The following MVK variants were observed in gnomAD, a reference collection of about 807,000 sequenced individuals.
MVK encodes mevalonate kinase, also known as LH receptor mRNA-binding protein.
MVK carries 34 observed loss-of-function variants against 43.2 expected under a neutral mutation model. The observed-to-expected ratio is 0.79, with a 90% confidence interval of 0.60 to 1.05. The LOEUF (loss-of-function observed/expected upper bound fraction) is 1.05. Among genes scored for constraint, MVK ranks in the 50% least tolerant of loss-of-function variants. The pLI, the probability that MVK is intolerant of heterozygous loss-of-function variation, is 0.00. For missense variants in MVK, 395 were observed against 504.0 expected, an observed-to-expected ratio of 0.78 and a Z score of 2.07; for synonymous variants, 190 against 219.8, an observed-to-expected ratio of 0.86 and a Z score of 1.20.
Position 109,597,533 on chromosome 12 carries a change from C to G in MVK, c.*956C>G, listed in dbSNP as rs1885972867. On this transcript the variant is annotated 3_prime_UTR_variant, in exon 11 of 11. Transcript: ENST00000228510. ...TCACAAGCACCCACGAGAGCACAGACCTGTGTAAGACAGGAAAGCAGAACC... is the reference window on the plus strand; with the variant it reads ...TCACAAGCACCCACGAGAGCACAGAGCTGTGTAAGACAGGAAAGCAGAACC... 1 of 152,278 alleles carries G rather than the reference C, an allele frequency of 6.6e-6. No homozygotes were observed. Among genetic ancestry groups the G allele is most frequent in the African/African-American group, 2.4e-5 (1 of 41,438 alleles). The allele number at this position is 152,278 out of a possible 1,614,324, so 9.4% of individuals were successfully genotyped here. A position where few individuals can be genotyped will look rare whatever the true frequency, so the allele number is the denominator to read the frequency against.
At chr12:109,581,681 C>A in intron 5 of MVK, 131 bp downstream of exon 5, 1 of 1,356,966 alleles carries the variant, frequency 7.4e-7, no homozygotes, top group Non-Finnish European at 1.0e-6. Flanking sequence ...CATGAGGAAG[C>A]TGAGCCCCGA....
intron 3 of MVK, among the ~76,000 whole-genome samples, chr12:109,579,469 C>T (rs2040536702): frequency 6.6e-6 from 1 of 152,196 alleles, no homozygotes; most frequent in Admixed American, 6.5e-5. Flanking sequence ...GCACTTACTA[C>T]ATGCCAGGTG....
In MVK at chr12:109,590,560, C is replaced by T. The variant is rs371077286; in HGVS notation, c.678-211C>T. ...GTTGAATGAATAAATGAGTGAAAAG[C>T]CAAGGGAGAATGGCCACCCAACCAG... On this transcript the variant is annotated intron_variant, in intron 7 of 10. Transcript: ENST00000228510. 6.6e-4 allele frequency: 411 copies of T among 622,140 alleles called. 4 individuals carry two copies. The highest frequency in any genetic ancestry group is 6.3e-3 in the African/African-American group (349 of 55,036). The allele number at this position is 622,140 out of a possible 1,614,324, so 38.5% of individuals were successfully genotyped here.
intron 7 of MVK, chr12:109,590,461 CT>C: frequency 2.3e-6 from 1 of 435,140 alleles, no homozygotes; most frequent in Non-Finnish European, 4.3e-6. Context: ...CTTCTCGGCC[CT>C]TCTCCCCTAT....
intron 7 of MVK, chr12:109,587,048 T>G (rs1453580467): frequency 1.9e-6 from 1 of 533,586 alleles, no homozygotes; most frequent in African/African-American, 1.9e-5. Flanking sequence ...GCTGTGCCCG[T>G]AGACTCTCAG....
At chr12:109,580,635 TG>T (rs1885176621) in intron 4 of MVK, among the ~76,000 whole-genome samples, 1 of 152,110 alleles carries the variant, frequency 6.6e-6, no homozygotes, top group Non-Finnish European at 1.5e-5. Flanking sequence ...TCTTCCAGGC[TG>T]GGTGGGGTGG....
rs747342269 is a variant in MVK at position 109,574,885 on chromosome 12, C to T, written c.63C>T (p.Ala21=). Residue 21 remains alanine (A), a synonymous_variant, in exon 2 of 11, where the codon GCC becomes GCT. Coordinates refer to ENST00000228510, the MANE Select transcript of MVK (RefSeq NM_000431.4). ...AAGTCATCCTTCATGGAGAACATGC[C>T]GTGGTACATGGCAAGGTACAAAGCC... ...PGKVILHGEH[A]VVHGKVALAV... is the part of the protein sequence containing the mutation. 2.5e-6 allele frequency: 4 copies of T among 1,609,514 alleles called. No homozygotes were observed. The highest frequency in any genetic ancestry group is 2.2e-5 in the East Asian group (1 of 44,818).
At chr12:109,583,232 A>G (rs1343966019) in intron 5 of MVK, among the ~76,000 whole-genome samples, 1 of 151,898 alleles carries the variant, frequency 6.6e-6, no homozygotes, top group Non-Finnish European at 1.5e-5. Context: ...ATATCTCCTA[A>G]TGCTATCCCT....
At chr12:109,582,256 C>G (rs1455674121) in intron 5 of MVK, among the ~76,000 whole-genome samples, 1 of 152,214 alleles carries the variant, frequency 6.6e-6, no homozygotes, top group Non-Finnish European at 1.5e-5. Context: ...AAATGCAGAG[C>G]TCTGTCCTCT....
chr12:109,579,091 CTCTGTGTGTG>C (rs1305750237), intron 3 of MVK: 4 of 341,854 alleles, frequency 1.2e-5, no homozygotes, highest in Admixed American at 1.1e-4. Context: ...AGCCAGCATT[CTCTGTGTGTG>C]TCTGTGTGTC....
At chr12:109,581,184 A>T (rs1653395423) in intron 4 of MVK, among the ~76,000 whole-genome samples, 1 of 152,156 alleles carries the variant, frequency 6.6e-6, no homozygotes, top group Non-Finnish European at 1.5e-5. Context: ...TGACCCAGGG[A>T]TTTAAATGAA....
Position 109,581,420 on chromosome 12 carries a change from G to T in MVK, c.397G>T (p.Val133Leu), listed in dbSNP as rs758024753. ...GGCCCTGCCGAGCCTGGATATCGTAGTGTGGTCGGAGCTGCCCCCCGGGGC... is the reference window on the plus strand; with the variant it reads ...GGCCCTGCCGAGCCTGGATATCGTATTGTGGTCGGAGCTGCCCCCCGGGGC... ...QRALPSLDIV[V>L]WSELPPGAGL... is the part of the protein sequence containing the mutation. Residue 133 changes from valine (V) to leucine (L), a missense_variant, in exon 5 of 11, where the codon GTG (valine) becomes TTG (leucine). Transcript: ENST00000228510. 1 of 1,614,128 alleles carries T rather than the reference G, an allele frequency of 6.2e-7. No individual in the cohort carries two copies. Among genetic ancestry groups the T allele is most frequent in the South Asian group, 1.1e-5 (1 of 91,080 alleles).
intron 9 of MVK, 91 bp downstream of exon 9, chr12:109,591,448 C>A: frequency 1.6e-6 from 2 of 1,266,070 alleles, no homozygotes; most frequent in Non-Finnish European, 2.3e-6. Context: ...CAGAATCCCC[C>A]GGAAGCTAGC....
At chr12:109,583,760 G>T (rs1289730210) in intron 5 of MVK, among the ~76,000 whole-genome samples, 2 of 152,206 alleles carry the variant, frequency 1.3e-5, no homozygotes, top group Non-Finnish European at 1.5e-5. Flanking sequence ...TCCAGCACCT[G>T]TTGAGAAACA....
chr12:109,579,137 AT>A (rs758612897), intron 3 of MVK: 14,181 of 317,958 alleles, frequency 0.045, 17 homozygotes, highest in South Asian at 0.066. Context: ...TAAGACTACA[AT>A]TTTTTTTTTT....
intron 5 of MVK, among the ~76,000 whole-genome samples, chr12:109,581,824 G>A (rs567174804): frequency 1.5e-4 from 23 of 152,288 alleles, no homozygotes; most frequent in Middle Eastern, 3.4e-3. Context: ...GGTTTCAAGC[G>A]CCCATGGTAT....
chr12:109,592,896 C>T (rs184222583), intron 9 of MVK, among the ~76,000 whole-genome samples: 19 of 152,288 alleles, frequency 1.2e-4, no homozygotes, highest in East Asian at 7.7e-4. Context: ...ACAGTCCCCC[C>T]GAGTAGGAAA....
Position 109,596,713 on chromosome 12 carries a change from C to G in MVK, c.*136C>G. On this transcript the variant is annotated 3_prime_UTR_variant, in exon 11 of 11. Transcript: ENST00000228510. ...GAGAGGCCCCAGCCGCTTGGCGATG[C>G]CAGCCAAGCTCTGCAGTCCCAGCGG... 1 of 1,272,194 alleles carries G rather than the reference C, an allele frequency of 7.9e-7. No homozygotes were observed. The highest frequency in any genetic ancestry group is 1.3e-5 in the South Asian group (1 of 78,514). The allele number at this position is 1,272,194 out of a possible 1,614,324, so 78.8% of individuals were successfully genotyped here.
chr12:109,592,055 G>A (rs1885706112), intron 9 of MVK, among the ~76,000 whole-genome samples: 1 of 152,190 alleles, frequency 6.6e-6, no homozygotes, highest in Non-Finnish European at 1.5e-5. Flanking sequence ...ACCAGGCTGG[G>A]CAATGTGGTG....
Sources: allele counts gnomAD v4.1 joint callset (sites outside exome capture counted in the v4.1 genomes callset), GRCh38; gene constraint gnomAD v4.1.1; transcripts MANE v1.5; gene names NCBI Gene and HGNC (gene_info 2026-07-23, HGNC 2026-07-21).